Variants in GEMIN5 observed in about 807,000 individuals in gnomAD.
The protein encoded by GEMIN5 is gem nuclear organelle associated protein 5.
Under a neutral mutation model 176.9 loss-of-function variants are expected in GEMIN5, and 124 were observed. The ratio of observed to expected loss-of-function variants is 0.70; its 90% confidence interval spans 0.61 to 0.81. GEMIN5 has a LOEUF of 0.81. Among genes scored for constraint, GEMIN5 ranks in the 40% least tolerant of loss-of-function variants. The pLI is 0.00. For missense variants in GEMIN5, 1,843 were observed against 1,814.6 expected (o/e 1.02, Z -0.28); for synonymous variants, 673 against 665.2 (o/e 1.01, Z -0.18).
intron 26 of GEMIN5, among the ~76,000 whole-genome samples, chr5:154,890,936 A>G (rs816737): frequency 0.95 from 144,546 of 152,166 alleles, 68,815 homozygotes; most frequent in South Asian, 0.99. Context: ...GCTAATTTTT[A>G]GTAGAGACGG....
Position 154,901,476 on chromosome 5 carries a change from A to T in GEMIN5, c.2877T>A (p.His959Gln). The change falls in exon 21 of 28, where the codon CAT (histidine) becomes CAA (glutamine). Residue 959 changes from histidine (H) to glutamine (Q), a missense_variant. His to Gln is a conservative substitution (Grantham distance 24). Transcript: ENST00000285873. ...LVAMAPAAGY[H>Q]VWLWAVEAFA... ...AAGCTTCCACAGCCCATAGCCACAC[A>T]TGGTAGCCAGCTGAAAAAATAAAAG... is the stretch of plus-strand genomic sequence containing the variant. 1 of 1,613,776 alleles carries T rather than the reference A, an allele frequency of 6.2e-7. No homozygotes were observed. The highest frequency in any genetic ancestry group is 2.2e-5 in the East Asian group (1 of 44,890).
At chr5:154,925,783 G>A (rs1192265852) in intron 8 of GEMIN5, 79 bp downstream of exon 8, 7 of 759,928 alleles carry the variant, frequency 9.2e-6, no homozygotes, top group East Asian at 2.5e-5. Context: ...TCAACAGAGC[G>A]CATTTAAATG....
Position 154,924,571 on chromosome 5 carries a change from T to A in GEMIN5, c.1294-17A>T. 6.4e-7 allele frequency: 1 copy of A among 1,554,918 alleles called. No homozygotes were observed. Among genetic ancestry groups the A allele is most frequent in the Non-Finnish European group, 8.9e-7 (1 of 1,128,082 alleles). ...CCAGCACAGCTACAAAAAAAAGAGTTTCCAAGTGAGAATATAAGAAGTGGG... is the reference window on the plus strand; with the variant it reads ...CCAGCACAGCTACAAAAAAAAGAGTATCCAAGTGAGAATATAAGAAGTGGG... On this transcript the variant is annotated splice_polypyrimidine_tract_variant and intron_variant, in intron 8 of 27. Transcript: ENST00000285873.
At chr5:154,911,040 G>A (rs1413959115) in intron 15 of GEMIN5, among the ~76,000 whole-genome samples, 2 of 152,110 alleles carry the variant, frequency 1.3e-5, no homozygotes, top group Non-Finnish European at 2.9e-5. Context: ...TTTGGTCAGT[G>A]GGAACCTCTT....
chr5:154,889,028 C>T (rs1763166807), intron 27 of GEMIN5, among the ~76,000 whole-genome samples: 1 of 152,072 alleles, frequency 6.6e-6, no homozygotes, highest in African/African-American at 2.4e-5. Flanking sequence ...AGGCACCTGC[C>T]CCCACGCCCG....
intron 6 of GEMIN5, among the ~76,000 whole-genome samples, chr5:154,927,845 G>A (rs1419750981): frequency 6.6e-6 from 1 of 152,078 alleles, no homozygotes; most frequent in Non-Finnish European, 1.5e-5. Context: ...AAAAAAATTA[G>A]TTGGGCATGG....
intron 15 of GEMIN5, among the ~76,000 whole-genome samples, chr5:154,910,023 T>C (rs1192937384): frequency 6.6e-6 from 1 of 151,640 alleles, no homozygotes; most frequent in Non-Finnish European, 1.5e-5. Flanking sequence ...TTAGACAGTA[T>C]GTAGTCTTTT....
At chr5:154,929,443 G>C (rs1428294888) in intron 5 of GEMIN5, among the ~76,000 whole-genome samples, 1 of 152,214 alleles carries the variant, frequency 6.6e-6, no homozygotes. Flanking sequence ...ACCTCCACCC[G>C]ACATGCTTCT....
intron 21 of GEMIN5, 95 bp downstream of exon 21, chr5:154,901,244 C>T: frequency 1.7e-6 from 2 of 1,171,840 alleles, no homozygotes; most frequent in Non-Finnish European, 2.5e-6. Flanking sequence ...AGCAGGAGGA[C>T]TGTTTCTTCT....
chr5:154,895,973 C>G, intron 24 of GEMIN5, 119 bp downstream of exon 24: 1 of 1,197,072 alleles, frequency 8.4e-7, no homozygotes, highest in South Asian at 1.4e-5. Context: ...CGTGGCCATG[C>G]CTTAGCCTTT....
chr5:154,897,605 A>G (rs1479292779), intron 23 of GEMIN5, among the ~76,000 whole-genome samples: 4 of 152,166 alleles, frequency 2.6e-5, no homozygotes. Flanking sequence ...CTCCTGCCTT[A>G]GCCTCTCAAG....
intron 11 of GEMIN5, 77 bp from the exon 12 acceptor site, chr5:154,918,081 C>G: frequency 1.1e-6 from 1 of 882,828 alleles, no homozygotes; most frequent in African/African-American, 1.7e-5. Flanking sequence ...AAAAAAAAAT[C>G]CCTAGAGTTT....
Position 154,891,616 on chromosome 5 carries a change from C to A in GEMIN5, c.3887G>T (p.Cys1296Phe), listed in dbSNP as rs1763228848. ...YEFWWSLSRPCPNSSVWVRAG... is the reference protein window; with the variant it reads ...YEFWWSLSRPFPNSSVWVRAG... ...CCTTACCCAGACACTGGAATTTGGG[C>A]AAGGTCTGGAGAGAGACCACCAGAA... Residue 1296 changes from cysteine to phenylalanine, a missense_variant, in exon 26 of 28, where the codon TGC becomes TTC. By Grantham distance (205) the Cys-to-Phe change is radical. Coordinates refer to ENST00000285873, the MANE Select transcript of GEMIN5 (RefSeq NM_015465.5). The A allele has an allele frequency of 1.2e-6, 2 of 1,613,978 alleles. No homozygotes were observed. The highest frequency in any genetic ancestry group is 2.7e-5 in the African/African-American group (2 of 74,912).
At chr5:154,912,851 G>C in intron 14 of GEMIN5, 48 bp downstream of exon 14, 1 of 1,506,470 alleles carries the variant, frequency 6.6e-7, no homozygotes, top group Non-Finnish European at 9.1e-7. Context: ...GAAAGAATTT[G>C]TTAGAGTACA....
intron 6 of GEMIN5, among the ~76,000 whole-genome samples, chr5:154,928,113 C>G (rs376073247): frequency 4.9e-4 from 74 of 152,208 alleles, no homozygotes; most frequent in African/African-American, 1.7e-3. Context: ...ACCCTTTAAA[C>G]AGATTTATCT....
rs770465287 is a variant in GEMIN5 at position 154,937,948 on chromosome 5, GC to G, written c.166+19del. ...GCGTACAAAGGGCAGTAAGTCTCGG[GC>G]CCAAGGGTGGTGAGTTACCTCGAAA... On this transcript the variant is annotated intron_variant, in intron 1 of 27. Transcript: ENST00000285873. 2 of 1,554,186 alleles carry G rather than the reference GC, an allele frequency of 1.3e-6. No homozygotes were observed. Among genetic ancestry groups the G allele is most frequent in the African/African-American group, 1.4e-5 (1 of 70,648 alleles).
intron 3 of GEMIN5, among the ~76,000 whole-genome samples, chr5:154,932,794 G>C (rs1041002563): frequency 6.6e-6 from 1 of 152,026 alleles, no homozygotes; most frequent in Admixed American, 6.6e-5. Flanking sequence ...CAAACTCCTG[G>C]GCTCAAGCAA....
intron 11 of GEMIN5, among the ~76,000 whole-genome samples, chr5:154,918,575 G>T (rs1030541504): frequency 2.0e-5 from 3 of 152,122 alleles, no homozygotes; most frequent in African/African-American, 7.2e-5. Context: ...ACACATTCAA[G>T]TGCCAATAAA....
chr5:154,920,170 G>T, intron 10 of GEMIN5, 67 bp from the exon 11 acceptor site: 1 of 1,286,286 alleles, frequency 7.8e-7, no homozygotes, highest in Non-Finnish European at 1.1e-6. Flanking sequence ...TGTTGCTATA[G>T]TATGACCATA....
Sources: allele counts gnomAD v4.1 joint callset (sites outside exome capture counted in the v4.1 genomes callset), GRCh38; gene constraint gnomAD v4.1.1; transcripts MANE v1.5; gene names NCBI Gene and HGNC (gene_info 2026-07-23, HGNC 2026-07-21).